The following ATF7 variants were observed in gnomAD, a reference collection of about 807,000 sequenced individuals.
ATF7 encodes activating transcription factor 7, also known as cyclic AMP-dependent transcription factor ATF-7.
ATF7 carries 10 observed loss-of-function variants against 50.4 expected under a neutral mutation model. The observed-to-expected ratio is 0.20, with a 90% CI of 0.12 to 0.34. ATF7 has a LOEUF of 0.34. Among genes scored for constraint, ATF7 ranks in the 10% least tolerant of loss-of-function variants. ATF7 has a pLI of 1.00. For synonymous variants in ATF7, 201 were observed against 226.4 expected, an observed-to-expected ratio of 0.89 and a Z score of 1.01; for missense variants, 465 against 613.9, an observed-to-expected ratio of 0.76 and a Z score of 2.56.
At chr12:53,518,422 T>C (rs550036446) in intron 11 of ATF7, among the ~76,000 whole-genome samples, 3 of 152,372 alleles carry the variant, frequency 2.0e-5, no homozygotes, top group Non-Finnish European at 4.4e-5. Flanking sequence ...CTACCTGAGC[T>C]ACATACAATG....
chr12:53,579,273 G>A (rs1412431970), intron 2 of ATF7, among the ~76,000 whole-genome samples: 10 of 151,184 alleles, frequency 6.6e-5, no homozygotes, highest in South Asian at 4.2e-4. Context: ...AGTGGCTCAC[G>A]CCTGCAATCC....
At chr12:53,597,649 A>G (rs1319246246) in intron 2 of ATF7, among the ~76,000 whole-genome samples, 2 of 152,000 alleles carry the variant, frequency 1.3e-5, no homozygotes, top group Admixed American at 1.3e-4. Context: ...CTCTACTAAA[A>G]ATACAAAAAA....
chr12:53,519,579 G>A (rs1276156838), intron 11 of ATF7, among the ~76,000 whole-genome samples: 2 of 152,012 alleles, frequency 1.3e-5, no homozygotes, highest in African/African-American at 2.4e-5. Context: ...GTGCCCGCCT[G>A]TAGTCCCAGC....
intron 1 of ATF7, among the ~76,000 whole-genome samples, chr12:53,611,726 G>A (rs1288471436): frequency 6.6e-6 from 1 of 152,040 alleles, no homozygotes; most frequent in Non-Finnish European, 1.5e-5. Flanking sequence ...GAATAGCTGA[G>A]ATTACAGGCA....
intron 2 of ATF7, among the ~76,000 whole-genome samples, chr12:53,573,979 T>C (rs1941917733): frequency 6.6e-6 from 1 of 152,218 alleles, no homozygotes; most frequent in Admixed American, 6.5e-5. Flanking sequence ...CTCCCTGTCA[T>C]ACCTCATCAC....
intron 4 of ATF7, chr12:53,542,874 T>C (rs779792955): frequency 2.1e-5 from 21 of 991,500 alleles, no homozygotes; most frequent in Non-Finnish European, 2.4e-5. Flanking sequence ...ACCACATATA[T>C]TGAAACAAAG....
At position 53,523,100 on chromosome 12, in the gene ATF7, T is replaced by C. The variant is rs150008836; in HGVS notation, c.1234+176A>G. The C allele has an allele frequency of 2.1e-3, 1,192 of 571,468 alleles. 7 individuals are homozygous for C. Among genetic ancestry groups the C allele is most frequent in the African/African-American group, 0.02 (1,079 of 53,376 alleles). 35.4% of individuals were successfully genotyped at this position (571,468 alleles called of 1,614,324 possible). On this transcript the variant is annotated intron_variant, in intron 11 of 11. Transcript: ENST00000420353. ...CAACTATAACAGATAATTAGCTCTA[T>C]ATCGTCTACAAAAACATTTTTTTTC...
intron 1 of ATF7, among the ~76,000 whole-genome samples, chr12:53,618,195 T>G (rs951865292): frequency 2.0e-5 from 3 of 152,236 alleles, no homozygotes; most frequent in African/African-American, 7.2e-5. Flanking sequence ...CAATTTTATT[T>G]TCTTTACAGT....
Position 53,523,284 on chromosome 12 carries a change from C to T in ATF7, c.1226G>A (p.Gly409Asp), listed in dbSNP as rs145586636. 6.2e-7 allele frequency: 1 copy of T among 1,610,982 alleles called. No individual in the cohort carries two copies. Among genetic ancestry groups the T allele is most frequent in the Admixed American group, 1.7e-5 (1 of 59,996 alleles). Residue 409 changes from glycine to aspartate, a missense_variant, in exon 11 of 12, where the codon GGC becomes GAC. By Grantham distance (94) the Gly-to-Asp change is moderately conservative. Transcript: ENST00000420353. ...GGTTGTGTGCCACTCACCTAAATAG[C>T]CTTGAGTCTTTTTCTGTAGTGCAGT... ...PVTALQKKTQ[G>D]YLESPKESSE...
At chr12:53,540,728 A>C (rs1672640693) in intron 4 of ATF7, among the ~76,000 whole-genome samples, 1 of 151,818 alleles carries the variant, frequency 6.6e-6, no homozygotes, top group South Asian at 2.1e-4. Flanking sequence ...TCTGTCTCAA[A>C]AAAATAATAA....
chr12:53,604,432 A>T (rs542023919), intron 1 of ATF7, among the ~76,000 whole-genome samples: 1 of 152,322 alleles, frequency 6.6e-6, no homozygotes, highest in Non-Finnish European at 1.5e-5. Context: ...AAGAAAACAG[A>T]TTATTTATGT....
At chr12:53,598,812 T>C (rs1943268049) in intron 2 of ATF7, among the ~76,000 whole-genome samples, 1 of 152,186 alleles carries the variant, frequency 6.6e-6, no homozygotes, top group Non-Finnish European at 1.5e-5. Flanking sequence ...AAAGTCCTTG[T>C]CTGGGTTGTT....
At chr12:53,581,410 C>T (rs904815522) in intron 2 of ATF7, among the ~76,000 whole-genome samples, 2 of 152,182 alleles carry the variant, frequency 1.3e-5, no homozygotes, top group Non-Finnish European at 2.9e-5. Flanking sequence ...TCTTAGCTCA[C>T]ATGGAACATT....
chr12:53,622,246 G>C (rs1179579572), intron 1 of ATF7, among the ~76,000 whole-genome samples: 1 of 151,824 alleles, frequency 6.6e-6, no homozygotes, highest in East Asian at 1.9e-4. Context: ...AGGTTGTAGT[G>C]AGCTGAGATC....
At chr12:53,540,970 A>G (rs573837447) in intron 4 of ATF7, among the ~76,000 whole-genome samples, 10 of 152,090 alleles carry the variant, frequency 6.6e-5, no homozygotes, top group Non-Finnish European at 1.0e-4. Flanking sequence ...AGTTCCAGCA[A>G]TCCTCCTGTG....
intron 1 of ATF7, among the ~76,000 whole-genome samples, chr12:53,617,360 G>C (rs1944181994): frequency 6.6e-6 from 1 of 152,158 alleles, no homozygotes; most frequent in Admixed American, 6.5e-5. Flanking sequence ...AGGCACAGTG[G>C]CTCACACCTG....
chr12:53,543,387 T>TTCA lies in ATF7; in HGVS notation c.204_206dup (p.Asn68_Glu69insAsp). 1 of 1,603,046 alleles carries TTCA rather than the reference T, an allele frequency of 6.2e-7. No homozygotes were observed. Among genetic ancestry groups the TTCA allele is most frequent in the Non-Finnish European group, 8.5e-7 (1 of 1,174,094 alleles). On this transcript the variant is annotated inframe_insertion, in exon 4 of 12. Transcript: ENST00000420353. Reference sequence around the variant, plus strand: ...ATTCATGTTCAAAGGAGCTAGCTAGTTCATTGAAGAGTCCCACCTCCTCAC... The same window carrying TTCA: ...ATTCATGTTCAAAGGAGCTAGCTAGTTCATCATTGAAGAGTCCCACCTCCTCAC...
chr12:53,565,485 G>C (rs978506664), intron 2 of ATF7, among the ~76,000 whole-genome samples: 10 of 149,220 alleles, frequency 6.7e-5, no homozygotes, highest in Non-Finnish European at 1.3e-4. Context: ...TCTTTTTCTG[G>C]GCGGGGGCGG....
intron 3 of ATF7, among the ~76,000 whole-genome samples, chr12:53,551,345 A>G (rs933662169): frequency 3.3e-5 from 5 of 152,192 alleles, no homozygotes; most frequent in African/African-American, 1.2e-4. Flanking sequence ...CATTTTTTGT[A>G]GAGACAAGGT....
Sources: allele counts gnomAD v4.1 joint callset (sites outside exome capture counted in the v4.1 genomes callset), GRCh38; gene constraint gnomAD v4.1.1; transcripts MANE v1.5; gene names NCBI Gene and HGNC (gene_info 2026-07-23, HGNC 2026-07-21).